The following KDM2A variants were observed in gnomAD, a reference collection of about 807,000 sequenced individuals.
KDM2A encodes lysine demethylase 2A.
KDM2A carries 3 observed loss-of-function variants against 137.3 expected under a neutral mutation model. The ratio of observed to expected loss-of-function variants is 0.02; its 90% CI spans 0.01 to 0.06. The LOEUF (loss-of-function observed/expected upper bound fraction) is 0.06. Among genes scored for constraint, KDM2A ranks in the 10% least tolerant of loss-of-function variants. The probability of loss-of-function intolerance (pLI) is 1.00; values close to 1 mark genes in which losing one functional copy is unlikely to be tolerated. For synonymous variants in KDM2A, 512 were observed against 541.5 expected (o/e 0.95, Z 0.76); for missense variants, 738 against 1,510.6 (o/e 0.49, Z 8.48).
chr11:67,226,896 G>C (rs993202550), intron 10 of KDM2A, among the ~76,000 whole-genome samples: 8 of 152,082 alleles, frequency 5.3e-5, no homozygotes, highest in Non-Finnish European at 1.2e-4. Context: ...GGAGGCTTTG[G>C]TGGGAGGATG....
At chr11:67,251,701 G>A (rs981929324) in intron 17 of KDM2A, among the ~76,000 whole-genome samples, 2 of 152,292 alleles carry the variant, frequency 1.3e-5, no homozygotes, top group Admixed American at 1.3e-4. Flanking sequence ...ATGCATGCTC[G>A]AGTTTAGAGC....
chr11:67,145,694 T>C (rs762452227), intron 2 of KDM2A, among the ~76,000 whole-genome samples: 79 of 152,180 alleles, frequency 5.2e-4, no homozygotes, highest in Middle Eastern at 6.8e-3. Context: ...ATTCTCCCTT[T>C]CTCTTTTCTC....
intron 2 of KDM2A, among the ~76,000 whole-genome samples, chr11:67,163,700 A>G (rs1856684321): frequency 6.6e-6 from 1 of 152,104 alleles, no homozygotes; most frequent in South Asian, 2.1e-4. Context: ...TACTAAAAAT[A>G]CAAAAATTAG....
At chr11:67,164,626 C>CT (rs1270257546) in intron 2 of KDM2A, among the ~76,000 whole-genome samples, 134 of 145,262 alleles carry the variant, frequency 9.2e-4, no homozygotes, top group African/African-American at 1.9e-3. Context: ...TGCTGTTGGA[C>CT]TTTTTTTTTT....
intron 2 of KDM2A, among the ~76,000 whole-genome samples, chr11:67,151,218 G>C (rs1401420283): frequency 6.6e-6 from 1 of 152,056 alleles, no homozygotes; most frequent in East Asian, 1.9e-4. Flanking sequence ...CTTTGGTTCT[G>C]CTGCTGCTTC....
At chr11:67,145,800 T>G (rs1856230053) in intron 2 of KDM2A, among the ~76,000 whole-genome samples, 1 of 152,050 alleles carries the variant, frequency 6.6e-6, no homozygotes, top group African/African-American at 2.4e-5. Flanking sequence ...TGCTGTTCTT[T>G]CTGAATCATA....
intron 2 of KDM2A, among the ~76,000 whole-genome samples, chr11:67,141,766 C>T (rs994761337): frequency 6.7e-6 from 1 of 148,340 alleles, no homozygotes; most frequent in Non-Finnish European, 1.5e-5. Flanking sequence ...GAACTTATTC[C>T]TTCTAACTGT....
chr11:67,226,119 T>C (rs1858535042), intron 10 of KDM2A, among the ~76,000 whole-genome samples: 1 of 151,662 alleles, frequency 6.6e-6, no homozygotes, highest in African/African-American at 2.4e-5. Flanking sequence ...TAGCCAGGTG[T>C]AGGGGCACAC....
chr11:67,189,096 C>G (rs1309237997), intron 5 of KDM2A, among the ~76,000 whole-genome samples: 1 of 152,140 alleles, frequency 6.6e-6, no homozygotes, highest in Non-Finnish European at 1.5e-5. Context: ...TCCTACCTAA[C>G]AGCAATAGCA....
At chr11:67,148,326 C>A (rs1260559957) in intron 2 of KDM2A, among the ~76,000 whole-genome samples, 1 of 151,770 alleles carries the variant, frequency 6.6e-6, no homozygotes, top group Non-Finnish European at 1.5e-5. Flanking sequence ...GAGGTCGAGG[C>A]CAAAGGGTCG....
chr11:67,169,296 A>C (rs1172844912), intron 2 of KDM2A, among the ~76,000 whole-genome samples: 3 of 151,686 alleles, frequency 2.0e-5, no homozygotes, highest in Non-Finnish European at 4.4e-5. Context: ...CAATGCCCTA[A>C]ATTTTTTTTT....
chr11:67,224,461 C>CTTTTTTT lies in KDM2A; in HGVS notation c.958-3560_958-3554dup, dbSNP rs35180780. Among the ~76,000 whole-genome samples, 367 of 95,156 alleles carry CTTTTTTT rather than the reference C, an allele frequency of 3.9e-3. 9 individuals are homozygous for CTTTTTTT. The highest frequency in any genetic ancestry group is 0.013 in the African/African-American group (291 of 22,176). The allele number at this position is 95,156 out of a possible 152,430, so 62.4% of individuals were successfully genotyped here. ...GTCCGTACCAAAAATTAACCCCTTT[C>CTTTTTTT]TTTTTTTTTTTTTTTTTTTTTTGAG... On this transcript the variant is annotated intron_variant, in intron 10 of 20. Coordinates refer to ENST00000529006, the MANE Select transcript of KDM2A (RefSeq NM_012308.3).
chr11:67,144,523 A>AT (rs975986570), intron 2 of KDM2A, among the ~76,000 whole-genome samples: 8 of 151,738 alleles, frequency 5.3e-5, no homozygotes, highest in Non-Finnish European at 1.2e-4. Context: ...AAGTGCTGGG[A>AT]TTACAGGTGT....
chr11:67,235,113 C>A (rs1459513429), intron 12 of KDM2A, among the ~76,000 whole-genome samples: 2 of 147,806 alleles, frequency 1.4e-5, no homozygotes, highest in African/African-American at 2.5e-5. Context: ...CCACTGCACT[C>A]CAGCCTGGGT....
Position 67,137,836 on chromosome 11 carries a change from C to T in KDM2A, c.42+16478C>T, listed in dbSNP as rs1009045927. ...TTTTGAGAAGGGGTCTCAGCTCTGT[C>T]GCCCAGGCTGGAGTGCAGTGGTGCG... On this transcript the variant is annotated intron_variant, in intron 2 of 20. Coordinates refer to ENST00000529006, the MANE Select transcript of KDM2A (RefSeq NM_012308.3). 2.6e-5 allele frequency among the ~76,000 whole-genome samples: 4 copies of T among 152,064 alleles called. No individual in the cohort carries two copies. The South Asian group carries it at 8.3e-4, about 32-fold the overall frequency.
chr11:67,222,114 C>A (rs1481236967), intron 10 of KDM2A, among the ~76,000 whole-genome samples: 1 of 56,316 alleles, frequency 1.8e-5, no homozygotes, highest in Non-Finnish European at 3.3e-5. Context: ...TTGGGTGTTT[C>A]TCACAGAGGG....
intron 16 of KDM2A, among the ~76,000 whole-genome samples, chr11:67,248,797 A>G (rs115172045): frequency 0.017 from 2,644 of 152,274 alleles, 72 homozygotes; most frequent in African/African-American, 0.06. Context: ...TGTCATCTTC[A>G]CTTTTGTGGC....
intron 2 of KDM2A, among the ~76,000 whole-genome samples, chr11:67,156,513 C>G (rs1856517906): frequency 6.6e-6 from 1 of 151,164 alleles, no homozygotes; most frequent in African/African-American, 2.4e-5. Flanking sequence ...GTCAGGAGAT[C>G]GAGACCATCC....
intron 10 of KDM2A, among the ~76,000 whole-genome samples, chr11:67,220,060 G>A (rs1858296778): frequency 1.3e-5 from 2 of 151,482 alleles, no homozygotes; most frequent in Non-Finnish European, 2.9e-5. Context: ...GCCCAGGCTG[G>A]TGTGCAGTGT....
Sources: allele counts gnomAD v4.1 joint callset (sites outside exome capture counted in the v4.1 genomes callset), GRCh38; gene constraint gnomAD v4.1.1; transcripts MANE v1.5; gene names NCBI Gene and HGNC (gene_info 2026-07-23, HGNC 2026-07-21).